Variants in CAT observed in about 807,000 individuals in gnomAD.
CAT encodes epididymis secretory sperm binding protein.
A neutral mutation model predicts 59.0 loss-of-function variants in CAT; 43 were observed. The observed-to-expected ratio is 0.73, with a 90% CI of 0.57 to 0.94. The LOEUF is 0.94. Ranked by LOEUF, CAT falls within the 40% of genes least tolerant of loss-of-function variation. The pLI is 0.00. For missense variants in CAT, 664 were observed against 682.9 expected (o/e 0.97, Z 0.31); for synonymous variants, 218 against 230.9 (o/e 0.94, Z 0.51).
intron 8 of CAT, among the ~76,000 whole-genome samples, chr11:34,458,800 G>A (rs1364535140): frequency 2.0e-5 from 3 of 152,204 alleles, no homozygotes; most frequent in African/African-American, 7.2e-5. Context: ...AGATTTGAAT[G>A]GAGAACTAGG....
chr11:34,464,226 C>A lies in CAT; in HGVS notation c.1317C>A (p.Asn439Lys). The A allele has an allele frequency of 1.2e-6, 2 of 1,614,030 alleles. No homozygotes were observed. Among genetic ancestry groups the A allele is most frequent in the Non-Finnish European group, 1.7e-6 (2 of 1,179,906 alleles). Residue 439 changes from asparagine (N) to lysine (K), a missense_variant, in exon 10 of 13, where the codon AAC becomes AAA. By Grantham distance (94) the Asn-to-Lys change is moderately conservative. Transcript: ENST00000241052. ...GATTCAACACTGCCAATGATGATAA[C>A]GTTACTCAGGTAATGACTTCTCTTT... ...VRRFNTANDD[N>K]VTQVRAFYVN...
intron 10 of CAT, among the ~76,000 whole-genome samples, chr11:34,466,703 C>G (rs1271114635): frequency 3.1e-4 from 46 of 146,874 alleles, no homozygotes; most frequent in African/African-American, 1.1e-3. Context: ...ATGGCGTGAA[C>G]CCGGGAGGCG....
intron 1 of CAT, among the ~76,000 whole-genome samples, chr11:34,445,398 C>T (rs571271444): frequency 2.7e-4 from 37 of 136,170 alleles, no homozygotes; most frequent in Admixed American, 1.9e-3. Context: ...GAGGCTGAGA[C>T]GGGAGAATTG....
intron 11 of CAT, among the ~76,000 whole-genome samples, chr11:34,470,475 C>T (rs1171135291): frequency 6.6e-6 from 1 of 152,154 alleles, no homozygotes; most frequent in Non-Finnish European, 1.5e-5. Context: ...TCTCCAGCCC[C>T]TCTCCCATCC....
chr11:34,451,629 CA>C (rs371578476), intron 3 of CAT, among the ~76,000 whole-genome samples: 34 of 152,270 alleles, frequency 2.2e-4, no homozygotes, highest in African/African-American at 7.9e-4. Context: ...TCAGTCTCTG[CA>C]TTTTAAAAAT....
At chr11:34,443,453 G>T (rs17883121) in intron 1 of CAT, among the ~76,000 whole-genome samples, 1,580 of 152,300 alleles carry the variant, frequency 0.01, 32 homozygotes, top group African/African-American at 0.036. Flanking sequence ...TGGCAGGAGG[G>T]AGGTGGTTGT....
intron 8 of CAT, chr11:34,461,049 T>C (rs902406707): frequency 3.0e-6 from 2 of 662,244 alleles, no homozygotes; most frequent in African/African-American, 3.6e-5. Flanking sequence ...CCAGAGGGCC[T>C]GGGAAATTCA....
chr11:34,457,192 T>TATTA (rs140777444), intron 8 of CAT, among the ~76,000 whole-genome samples: 30,530 of 145,032 alleles, frequency 0.21, 3,807 homozygotes, highest in East Asian at 0.46. Context: ...AGCCTAACTT[T>TATTA]ATTTTCTTGT....
intron 1 of CAT, among the ~76,000 whole-genome samples, chr11:34,448,160 T>C (rs1402786145): frequency 6.6e-6 from 1 of 152,246 alleles, no homozygotes; most frequent in Non-Finnish European, 1.5e-5. Flanking sequence ...TTTATTTTAA[T>C]GTACAGGACA....
intron 9 of CAT, 47 bp from the exon 10 acceptor site, chr11:34,464,058 T>G: frequency 1.2e-6 from 2 of 1,609,290 alleles, no homozygotes; most frequent in South Asian, 1.1e-5. Context: ...GCAGACTTAC[T>G]TGACTTTTCT....
chr11:34,444,696 G>T (rs1856428691), intron 1 of CAT, among the ~76,000 whole-genome samples: 1 of 152,190 alleles, frequency 6.6e-6, no homozygotes, highest in Non-Finnish European at 1.5e-5. Flanking sequence ...TTAGGTTCTT[G>T]AAACTTCTGT....
In CAT at chr11:34,442,608, A is replaced by G. The variant is rs185589536; in HGVS notation, c.66+3529A>G. Among the ~76,000 whole-genome samples, 44 of 151,792 alleles carry G rather than the reference A, an allele frequency of 2.9e-4. No homozygotes were observed. In the East Asian group the frequency reaches 6.8e-3, roughly 23 times the overall value. On this transcript the variant is annotated intron_variant, in intron 1 of 12. Coordinates refer to ENST00000241052, the MANE Select transcript of CAT (RefSeq NM_001752.4). The stretch of plus-strand genomic sequence containing the variant: ...AAGAGTGAAACTCCATCTCAAAAAG[A>G]AAAAAAAAGAAATGTATTCCTTTCC...
At position 34,457,891 on chromosome 11, in the gene CAT, C is replaced by T. The variant is rs2268063; in HGVS notation, c.1056+1074C>T. Among the ~76,000 whole-genome samples, 74 of 152,332 alleles carry T rather than the reference C, an allele frequency of 4.9e-4. No homozygotes were observed. The East Asian group carries it at 0.014, about 29-fold the overall frequency. On this transcript the variant is annotated intron_variant, in intron 8 of 12. Coordinates refer to ENST00000241052, the MANE Select transcript of CAT (RefSeq NM_001752.4). Reference sequence around the variant, plus strand: ...TTCAGGTTTCAGTCTGCATGGAGGACAAGCTAAGATTCCGTTTTTAAAAAA... The same window carrying T: ...TTCAGGTTTCAGTCTGCATGGAGGATAAGCTAAGATTCCGTTTTTAAAAAA...
chr11:34,469,113 C>A (rs529720071), intron 11 of CAT, among the ~76,000 whole-genome samples: 1 of 152,328 alleles, frequency 6.6e-6, no homozygotes, highest in South Asian at 2.1e-4. Context: ...GAAGCCCTCT[C>A]ACTTCTGGTT....
chr11:34,449,168 C>T, intron 1 of CAT, 24 bp from the exon 2 acceptor site: 1 of 1,609,644 alleles, frequency 6.2e-7, no homozygotes, highest in Non-Finnish European at 8.5e-7. Flanking sequence ...AACTCTCCTG[C>T]ACTTTCTTTC....
chr11:34,451,940 C>A lies in CAT; in HGVS notation c.350-137C>A, dbSNP rs930316557. 4.9e-6 allele frequency: 4 copies of A among 819,494 alleles called. No individual in the cohort carries two copies. The African/African-American group carries it at 6.8e-5, about 14-fold the overall frequency. 50.8% of individuals were successfully genotyped at this position (819,494 alleles called of 1,614,324 possible). A position where few individuals can be genotyped will look rare whatever the true frequency, so the allele number is the denominator to read the frequency against. On this transcript the variant is annotated intron_variant, in intron 3 of 12. Coordinates refer to ENST00000241052, the MANE Select transcript of CAT (RefSeq NM_001752.4). ...ATTAGCTGGTGGGTAGAAATAATAA[C>A]CCGGGCACTTAAATACCTAATTTAG...
At chr11:34,470,925 G>A (rs1174392323) in intron 11 of CAT, 33 bp from the exon 12 acceptor site, 4 of 1,548,780 alleles carry the variant, frequency 2.6e-6, no homozygotes, top group Non-Finnish European at 2.7e-6. Flanking sequence ...GGGAGTTAGA[G>A]TAATGCTTGC....
chr11:34,447,409 G>C (rs1186933885), intron 1 of CAT, among the ~76,000 whole-genome samples: 1 of 152,160 alleles, frequency 6.6e-6, no homozygotes, highest in Non-Finnish European at 1.5e-5. Flanking sequence ...TTAGAAAGTA[G>C]AAATTTTTTT....
chr11:34,466,681 T>C (rs1273715866), intron 10 of CAT, among the ~76,000 whole-genome samples: 5 of 145,130 alleles, frequency 3.4e-5, no homozygotes, highest in Non-Finnish European at 7.4e-5. Flanking sequence ...CTCAGGAGGC[T>C]GAGGCAGGAG....
Sources: allele counts gnomAD v4.1 joint callset (sites outside exome capture counted in the v4.1 genomes callset), GRCh38; gene constraint gnomAD v4.1.1; transcripts MANE v1.5; gene names NCBI Gene and HGNC (gene_info 2026-07-23, HGNC 2026-07-21).